The following GRM8 variants were observed in gnomAD, a reference collection of about 807,000 sequenced individuals.
The protein encoded by GRM8 is glutamate metabotropic receptor 8.
GRM8 carries 47 observed loss-of-function variants against 87.2 expected under a neutral mutation model. That is an observed-to-expected ratio of 0.54 (90% confidence interval 0.43 to 0.69). GRM8 has a LOEUF of 0.69. GRM8 is among the 30% of genes least tolerant of loss of function. The probability of loss-of-function intolerance (pLI) is 0.00; values close to 1 mark genes in which losing one functional copy is unlikely to be tolerated. For missense variants in GRM8, 1,019 were observed against 1,139.2 expected, an observed-to-expected ratio of 0.89 and a Z score of 1.52; for synonymous variants, 396 against 404.5, an observed-to-expected ratio of 0.98 and a Z score of 0.25.
At chr7:127,138,876 TAAC>T (rs947441595) in intron 2 of GRM8, among the ~76,000 whole-genome samples, 26 of 152,120 alleles carry the variant, frequency 1.7e-4, no homozygotes, top group African/African-American at 5.1e-4. Context: ...CCAATGCAAT[TAAC>T]AACAACAGTG....
At position 126,693,699 on chromosome 7, in the gene GRM8, A is replaced by T. The variant is rs547267313; in HGVS notation, c.1357+76166T>A. On this transcript the variant is annotated intron_variant, in intron 7 of 10. Transcript: ENST00000339582. ...TTTCTGAACCAAAGAGCAAGAAGAA[A>T]ATATTTTGCCGAATTATTTTCTAGA... is the stretch of plus-strand genomic sequence containing the variant. 3.3e-5 allele frequency among the ~76,000 whole-genome samples: 5 copies of T among 152,256 alleles called. No individual in the cohort carries two copies. In the South Asian group the frequency reaches 6.2e-4, roughly 19 times the overall value.
Position 127,043,033 on chromosome 7 carries a change from A to G in GRM8, c.727+63463T>C, listed in dbSNP as rs1168147397. On this transcript the variant is annotated intron_variant, in intron 3 of 10. Coordinates refer to ENST00000339582, the MANE Select transcript of GRM8 (RefSeq NM_000845.3). ...AAAAAAGGCTCAATCATCACTGGCC[A>G]TCAGATAAATGCAAATCAAAACCAC... 5.9e-5 allele frequency among the ~76,000 whole-genome samples: 9 copies of G among 152,396 alleles called. No homozygotes were observed. In the South Asian group the frequency reaches 1.0e-3, roughly 18 times the overall value.
At chr7:126,953,165 A>G (rs970120300) in intron 3 of GRM8, among the ~76,000 whole-genome samples, 1 of 152,084 alleles carries the variant, frequency 6.6e-6, no homozygotes, top group East Asian at 1.9e-4. Context: ...GGAAAAGTAA[A>G]TCTCCTTTGA....
chr7:126,975,906 C>A (rs1810938662), intron 3 of GRM8, among the ~76,000 whole-genome samples: 1 of 152,104 alleles, frequency 6.6e-6, no homozygotes, highest in African/African-American at 2.4e-5. Context: ...TCATGACCAC[C>A]CAGTCCTCTC....
chr7:127,039,270 C>A (rs930175050), intron 3 of GRM8, among the ~76,000 whole-genome samples: 2 of 151,978 alleles, frequency 1.3e-5, no homozygotes, highest in Non-Finnish European at 2.9e-5. Flanking sequence ...TTATGACGGG[C>A]CCAGTCCAAT....
intron 7 of GRM8, among the ~76,000 whole-genome samples, chr7:126,709,129 T>C (rs1810843484): frequency 1.3e-5 from 2 of 152,150 alleles, no homozygotes; most frequent in African/African-American, 2.4e-5. Flanking sequence ...AGGCTCTGAA[T>C]AGACGTATTT....
intron 8 of GRM8, among the ~76,000 whole-genome samples, chr7:126,607,490 T>C (rs1281036339): frequency 6.6e-6 from 1 of 152,186 alleles, no homozygotes; most frequent in Admixed American, 6.5e-5. Flanking sequence ...ATCAAATTGA[T>C]GTCTTCTGAT....
At chr7:126,643,490 G>T (rs1002274166) in intron 7 of GRM8, among the ~76,000 whole-genome samples, 2 of 150,130 alleles carry the variant, frequency 1.3e-5, no homozygotes, top group African/African-American at 4.9e-5. Context: ...ATATTTATAT[G>T]TGTGTATATG....
At chr7:126,991,442 A>G (rs1028901130) in intron 3 of GRM8, among the ~76,000 whole-genome samples, 2 of 152,216 alleles carry the variant, frequency 1.3e-5, no homozygotes, top group African/African-American at 2.4e-5. Context: ...ATAGCTTTCC[A>G]TTAAGCCTCT....
At chr7:126,655,856 C>T (rs1433965226) in intron 7 of GRM8, among the ~76,000 whole-genome samples, 1 of 152,034 alleles carries the variant, frequency 6.6e-6, no homozygotes, top group Non-Finnish European at 1.5e-5. Context: ...AAGCATGACA[C>T]AAGGGAAAGA....
At chr7:126,912,384 C>CTT (rs1163780395) in intron 3 of GRM8, among the ~76,000 whole-genome samples, 1 of 152,208 alleles carries the variant, frequency 6.6e-6, no homozygotes, top group Non-Finnish European at 1.5e-5. Context: ...GGACATTGAT[C>CTT]TTCTCCTGCT....
chr7:126,963,955 T>C (rs1809576974), intron 3 of GRM8, among the ~76,000 whole-genome samples: 1 of 152,218 alleles, frequency 6.6e-6, no homozygotes, highest in Non-Finnish European at 1.5e-5. Context: ...ATAGTACTAG[T>C]ACTAAAACAG....
At chr7:127,215,667 C>T (rs1274963255) in intron 2 of GRM8, among the ~76,000 whole-genome samples, 1 of 152,186 alleles carries the variant, frequency 6.6e-6, no homozygotes. Flanking sequence ...AGCTTAGCTA[C>T]ATATTTAAAA....
intron 2 of GRM8, among the ~76,000 whole-genome samples, chr7:127,176,754 G>T (rs933915269): frequency 1.3e-5 from 2 of 152,200 alleles, no homozygotes; most frequent in Non-Finnish European, 2.9e-5. Flanking sequence ...GAAGCTGAAG[G>T]TCTGTTTGTG....
chr7:126,961,192 GA>G (rs756178077), intron 3 of GRM8, among the ~76,000 whole-genome samples: 14 of 151,858 alleles, frequency 9.2e-5, no homozygotes, highest in African/African-American at 2.7e-4. Context: ...TTAAGCTTGG[GA>G]AAAAAAAGTG....
At chr7:126,708,097 G>C (rs914567540) in intron 7 of GRM8, among the ~76,000 whole-genome samples, 1 of 152,034 alleles carries the variant, frequency 6.6e-6, no homozygotes, top group African/African-American at 2.4e-5. Flanking sequence ...ATTTCCAAAA[G>C]AAGATATACA....
intron 2 of GRM8, among the ~76,000 whole-genome samples, chr7:127,200,079 A>C (rs187928117): frequency 6.6e-6 from 1 of 152,330 alleles, no homozygotes; most frequent in Non-Finnish European, 1.5e-5. Flanking sequence ...GTTATGTGGC[A>C]ATAATCAAGA....
intron 7 of GRM8, among the ~76,000 whole-genome samples, chr7:126,658,845 G>T (rs1283868357): frequency 6.6e-6 from 1 of 152,014 alleles, no homozygotes; most frequent in East Asian, 1.9e-4. Flanking sequence ...AACGTACACA[G>T]ACACAGGTGT....
chr7:127,083,852 C>T (rs1269537326), intron 3 of GRM8, among the ~76,000 whole-genome samples: 4 of 152,130 alleles, frequency 2.6e-5, no homozygotes, highest in African/African-American at 9.7e-5. Context: ...CCTTCCAGAG[C>T]TTCAGTACAG....
Sources: gnomAD v4.1 joint callset for allele counts (sites outside exome capture counted in the v4.1 genomes callset) on GRCh38, gnomAD v4.1.1 for gene constraint, MANE v1.5 for transcripts, NCBI Gene and HGNC (gene_info 2026-07-23, HGNC 2026-07-21) for gene names.